Variants in SOX6 observed in about 807,000 individuals in gnomAD.
SOX6 encodes SRY-box transcription factor 6.
In SOX6, 11 loss-of-function variants were observed where a neutral mutation model predicts 97.8. That is an observed-to-expected ratio of 0.11 (90% confidence interval 0.07 to 0.19). The LOEUF is 0.19. SOX6 is among the 10% of genes least tolerant of loss of function. The probability of loss-of-function intolerance (pLI) is 1.00; values close to 1 mark genes in which losing one functional copy is unlikely to be tolerated. For missense variants in SOX6, 810 were observed against 1,039.5 expected, an observed-to-expected ratio of 0.78 and a Z score of 3.04; for synonymous variants, 360 against 371.4, an observed-to-expected ratio of 0.97 and a Z score of 0.35.
rs1197562367 is a variant in SOX6 at position 16,401,842 on chromosome 11, G to T, written c.-4-60590C>A. Among the ~76,000 whole-genome samples, 45 of 151,470 alleles carry T rather than the reference G, an allele frequency of 3.0e-4. 1 individual carries two copies. The highest frequency in any genetic ancestry group is 2.8e-3 in the Admixed American group (43 of 15,138). ...AAATCTCCCCAACCCCCTGGACCAA[G>T]TCCAGCTTCAGTCACATAAAGGTTG... On this transcript the variant is annotated intron_variant, in intron 1 of 15. Coordinates refer to the SOX6 transcript ENST00000396356.
chr11:16,106,792 G>T (rs1849099078), intron 7 of SOX6, among the ~76,000 whole-genome samples: 2 of 152,060 alleles, frequency 1.3e-5, no homozygotes, highest in South Asian at 4.1e-4. Flanking sequence ...ATACTATGAA[G>T]AATGCTAAAA....
intron 3 of SOX6, among the ~76,000 whole-genome samples, chr11:16,656,903 T>C (rs938394336): frequency 1.3e-5 from 2 of 152,232 alleles, no homozygotes; most frequent in African/African-American, 4.8e-5. Flanking sequence ...GTTTCCCCTA[T>C]TATTAACATC....
At chr11:16,051,938 T>C (rs540418990) in intron 10 of SOX6, among the ~76,000 whole-genome samples, 1 of 152,210 alleles carries the variant, frequency 6.6e-6, no homozygotes, top group Non-Finnish European at 1.5e-5. Flanking sequence ...TCAAGTTCAC[T>C]AATCTTTTCT....
chr11:16,302,566 C>CTTTTTTTTTT (rs71044096), intron 3 of SOX6, among the ~76,000 whole-genome samples: 574 of 86,988 alleles, frequency 6.6e-3, no homozygotes, highest in Non-Finnish European at 8.7e-3. Flanking sequence ...TTCTTTTTTT[C>CTTTTTTTTTT]TTTTTTTTTT....
chr11:16,427,738 A>G (rs1590199488), intron 1 of SOX6, among the ~76,000 whole-genome samples: 1 of 152,198 alleles, frequency 6.6e-6, no homozygotes, highest in Non-Finnish European at 1.5e-5. Context: ...ATTGTTGGAC[A>G]TTTGAGTTGG....
intron 12 of SOX6, among the ~76,000 whole-genome samples, chr11:16,019,526 A>T (rs1355607243): frequency 1.3e-5 from 2 of 152,220 alleles, no homozygotes; most frequent in East Asian, 3.9e-4. Context: ...TACTCTCTAC[A>T]TTGACTCTCT....
intron 4 of SOX6, chr11:16,576,851 A>G (rs1256180948): frequency 6.6e-6 from 1 of 152,230 alleles, no homozygotes. Flanking sequence ...AATATAAATA[A>G]CTGCGCATGG....
intron 3 of SOX6, among the ~76,000 whole-genome samples, chr11:16,660,769 A>G (rs1189993987): frequency 1.3e-5 from 2 of 152,340 alleles, no homozygotes. Context: ...CCCTTCCACC[A>G]TGATGACACA....
intron 4 of SOX6, among the ~76,000 whole-genome samples, chr11:16,219,789 T>C (rs927612742): frequency 3.3e-5 from 5 of 152,010 alleles, no homozygotes; most frequent in East Asian, 1.9e-4. Context: ...TAATGCGACA[T>C]AGCTATCCCT....
chr11:16,655,146 TGA>T, intron 3 of SOX6, among the ~76,000 whole-genome samples: 1 of 152,280 alleles, frequency 6.6e-6, no homozygotes, highest in South Asian at 2.1e-4. Context: ...CCAGGCACAT[TGA>T]CGCTGGGATT....
chr11:16,610,575 C>G lies in SOX6; in HGVS notation n.609+1506G>C, dbSNP rs1848384622. Among the ~76,000 whole-genome samples, 3 of 152,188 alleles carry G rather than the reference C, an allele frequency of 2.0e-5. No homozygotes were observed. Among genetic ancestry groups the G allele is most frequent in the Admixed American group, 2.0e-4 (3 of 15,284 alleles). ...TTCCGAAAAGGAGCCGCAGGAACCC[C>G]TTTTAGATTTTATCTAATAAACTGA... On this transcript the variant is annotated intron_variant and non_coding_transcript_variant, in intron 4 of 5. Coordinates refer to the SOX6 transcript ENST00000524520. The surrounding 1 kb of genome is among the most constrained non-coding windows in gnomAD (Gnocchi z 4.4).
chr11:16,731,057 G>A (rs527350771), intron 2 of SOX6, among the ~76,000 whole-genome samples: 2 of 152,084 alleles, frequency 1.3e-5, no homozygotes, highest in East Asian at 1.9e-4. Context: ...GGAAGAAGCC[G>A]AATCCCTGAA....
At chr11:16,017,079 A>T (rs1046405201) in intron 12 of SOX6, among the ~76,000 whole-genome samples, 4 of 152,062 alleles carry the variant, frequency 2.6e-5, no homozygotes, top group Non-Finnish European at 5.9e-5. Context: ...GGAAAATTAC[A>T]TGCCATGGTT....
chr11:16,049,860 T>C lies in SOX6; in HGVS notation c.1330A>G (p.Thr444Ala). The C allele has an allele frequency of 1.2e-6, 2 of 1,613,790 alleles. No individual in the cohort carries two copies. Among genetic ancestry groups the C allele is most frequent in the Non-Finnish European group, 1.7e-6 (2 of 1,179,808 alleles). ...AEPVKSPTSPTQNLFPASKTS... is the reference protein window; with the variant it reads ...AEPVKSPTSPAQNLFPASKTS... ...TTGCTGGCTGGGAAGAGGTTCTGGG[T>C]GGGAGACGTTGGGGACTTTACAGGC... Residue 444 changes from threonine (T) to alanine (A), a missense_variant, in exon 11 of 16, where the codon ACC (threonine) becomes GCC (alanine). Thr to Ala is a moderately conservative substitution (Grantham distance 58, BLOSUM62 0). Around this residue, in one of 9 missense-constraint regions of SOX6, gnomAD observed 244 missense variants for 261.0 expected, o/e 0.93. Coordinates refer to ENST00000683767, the MANE Select transcript of SOX6 (RefSeq NM_001367873.1).
intron 6 of SOX6, among the ~76,000 whole-genome samples, chr11:16,134,696 C>T (rs55865094): frequency 0.081 from 12,365 of 152,180 alleles, 1,049 homozygotes; most frequent in East Asian, 0.37. Context: ...TTTTGGGACA[C>T]CATAAACCAC....
At chr11:16,398,861 C>G (rs1378552533) in intron 1 of SOX6, among the ~76,000 whole-genome samples, 1 of 150,522 alleles carries the variant, frequency 6.6e-6, no homozygotes, top group African/African-American at 2.4e-5. Flanking sequence ...CCCTTGAGAA[C>G]TGGAATGACT....
In SOX6 at chr11:16,070,420, T is replaced by C. The variant is rs141141671; in HGVS notation, c.1102-14519A>G. On this transcript the variant is annotated intron_variant, in intron 9 of 15. Transcript: ENST00000683767. ...ATCAGATAACAAATCACCCAGTCCA[T>C]TGTTACAAAAGTAAGCTGGAATTCA... Among the ~76,000 whole-genome samples, 621 of 152,268 alleles carry C rather than the reference T, an allele frequency of 4.1e-3. 2 individuals are homozygous for C. The highest frequency in any genetic ancestry group is 6.8e-3 in the Middle Eastern group (2 of 294).
At chr11:16,516,052 A>T (rs1162540266) in intron 4 of SOX6, among the ~76,000 whole-genome samples, 1 of 151,380 alleles carries the variant, frequency 6.6e-6, no homozygotes, top group Non-Finnish European at 1.5e-5. Flanking sequence ...GTTCCATATG[A>T]ACTTTAAAGT....
At chr11:16,095,931 A>T (rs75735479) in intron 9 of SOX6, 65 bp downstream of exon 9, 72 of 1,505,156 alleles carry the variant, frequency 4.8e-5, no homozygotes, top group Non-Finnish European at 6.0e-5. Context: ...AAAAAAAAAA[A>T]GCCTAGAGTA....
Sources: gnomAD v4.1 joint callset for allele counts (sites outside exome capture counted in the v4.1 genomes callset) on GRCh38, gnomAD v4.1.1 for gene constraint, gnomAD v4.1.1 regional missense constraint, Gnocchi (gnomAD v3.1) non-coding constraint, MANE v1.5 for transcripts, NCBI Gene and HGNC (gene_info 2026-07-23, HGNC 2026-07-21) for gene names.